The following SDCCAG8 variants were observed in gnomAD, a reference collection of about 807,000 sequenced individuals.
The protein encoded by SDCCAG8 is serologically defined colon cancer antigen 8.
In SDCCAG8, 74 loss-of-function variants were observed where a neutral mutation model predicts 101.8. The ratio of observed to expected loss-of-function variants is 0.73; its 90% CI spans 0.60 to 0.88. SDCCAG8 has a LOEUF of 0.88. Ranked by LOEUF, SDCCAG8 falls within the 40% of genes least tolerant of loss-of-function variation. The probability of loss-of-function intolerance (pLI) is 0.00; values close to 1 mark genes in which losing one functional copy is unlikely to be tolerated. For missense variants in SDCCAG8, 787 were observed against 822.6 expected, an observed-to-expected ratio of 0.96 and a Z score of 0.53; for synonymous variants, 281 against 292.9, an observed-to-expected ratio of 0.96 and a Z score of 0.41.
intron 12 of SDCCAG8, among the ~76,000 whole-genome samples, chr1:243,363,030 C>T (rs964169864): frequency 1.2e-4 from 19 of 152,136 alleles, no homozygotes. Flanking sequence ...CAACATATTG[C>T]CATAATAAAT....
At chr1:243,283,409 A>G (rs1032588779) in intron 4 of SDCCAG8, among the ~76,000 whole-genome samples, 6 of 147,844 alleles carry the variant, frequency 4.1e-5, no homozygotes. Flanking sequence ...ATTTATATAT[A>G]TATATATACA....
At chr1:243,342,814 C>G (rs1224470780) in intron 11 of SDCCAG8, among the ~76,000 whole-genome samples, 1 of 152,052 alleles carries the variant, frequency 6.6e-6, no homozygotes, top group East Asian at 1.9e-4. Flanking sequence ...TTTGAACTTC[C>G]AATAGAATTT....
At chr1:243,318,451 C>A in intron 9 of SDCCAG8, 1 of 467,814 alleles carries the variant, frequency 2.1e-6, no homozygotes, top group Non-Finnish European at 2.8e-6. Context: ...AACAAAACCC[C>A]GTGACATGAG....
rs2149279606 is a variant in SDCCAG8, at chr1:243,282,612, ATTC to A, written c.421-3659_421-3657del. Among the ~76,000 whole-genome samples, 2 of 152,330 alleles carry A rather than the reference ATTC, an allele frequency of 1.3e-5. 1 individual carries two copies. Among genetic ancestry groups the A allele is most frequent in the South Asian group, 4.1e-4 (2 of 4,828 alleles). ...TGCAAGGCATATATGCTAGCAATAAATTCCATCAATTCTTGTTTGTCTAAGAAA... is the reference window on the plus strand; with the variant it reads ...TGCAAGGCATATATGCTAGCAATAAACATCAATTCTTGTTTGTCTAAGAAA... On this transcript the variant is annotated intron_variant, in intron 4 of 17. Coordinates refer to ENST00000366541, the MANE Select transcript of SDCCAG8 (RefSeq NM_006642.5).
At chr1:243,488,372 T>A (rs1665511060) in intron 16 of SDCCAG8, 1 of 156,196 alleles carries the variant, frequency 6.4e-6, no homozygotes, top group African/African-American at 2.4e-5. Context: ...AGAACACTTC[T>A]GGGTAGTCGT....
chr1:243,260,581 A>G (rs1044961696), intron 1 of SDCCAG8, among the ~76,000 whole-genome samples: 1 of 152,208 alleles, frequency 6.6e-6, no homozygotes, highest in African/African-American at 2.4e-5. Context: ...AAAAATTGCT[A>G]GAAATGCAGT....
chr1:243,417,389 C>A (rs1193431845), intron 14 of SDCCAG8, among the ~76,000 whole-genome samples: 1 of 152,130 alleles, frequency 6.6e-6, no homozygotes, highest in Non-Finnish European at 1.5e-5. Context: ...TTTTCAATTT[C>A]TTTGACCAGA....
intron 1 of SDCCAG8, among the ~76,000 whole-genome samples, chr1:243,268,633 ATGAGTTGCTGCAAGTAAAGAAAC>A (rs1438535143): frequency 6.6e-6 from 1 of 152,232 alleles, no homozygotes; most frequent in Non-Finnish European, 1.5e-5. Flanking sequence ...AAAGTAGAAA[ATGAGTTGCTGCAAGTAAAGAAAC>A]TGTATTAGAT....
intron 16 of SDCCAG8, among the ~76,000 whole-genome samples, chr1:243,465,784 T>A (rs551149795): frequency 6.6e-6 from 1 of 152,364 alleles, no homozygotes; most frequent in South Asian, 2.1e-4. Context: ...AACACTTTTT[T>A]CTGTCTCTAA....
intron 13 of SDCCAG8, among the ~76,000 whole-genome samples, chr1:243,390,260 G>C (rs768336497): frequency 6.6e-6 from 1 of 152,096 alleles, no homozygotes; most frequent in Non-Finnish European, 1.5e-5. Context: ...CAGAGAATGT[G>C]TCAAAAATAA....
intron 16 of SDCCAG8, among the ~76,000 whole-genome samples, chr1:243,452,780 A>G (rs1043760228): frequency 1.3e-5 from 2 of 152,124 alleles, no homozygotes; most frequent in African/African-American, 4.8e-5. Flanking sequence ...CCTTCATAAA[A>G]TTTATATAAA....
intron 4 of SDCCAG8, among the ~76,000 whole-genome samples, chr1:243,278,251 C>T (rs1367866880): frequency 6.6e-5 from 10 of 152,116 alleles, no homozygotes; most frequent in African/African-American, 2.2e-4. Context: ...GGTGGAGTCT[C>T]GCTCTGTCAC....
chr1:243,417,762 G>C (rs890342339), intron 14 of SDCCAG8, among the ~76,000 whole-genome samples: 4 of 152,108 alleles, frequency 2.6e-5, no homozygotes, highest in African/African-American at 9.7e-5. Flanking sequence ...AATGTTTCTG[G>C]TGTATAATTA....
At chr1:243,298,973 A>G (rs769986911) in intron 6 of SDCCAG8, among the ~76,000 whole-genome samples, 4 of 152,210 alleles carry the variant, frequency 2.6e-5, no homozygotes, top group Non-Finnish European at 4.4e-5. Flanking sequence ...TTTGATTGAG[A>G]TGGCTTTAAA....
rs186651366 is a variant in SDCCAG8 at position 243,260,377 on chromosome 1, C to T, written c.67+4137C>T. Among the ~76,000 whole-genome samples, 89 of 152,164 alleles carry T rather than the reference C, an allele frequency of 5.8e-4. 1 individual carries two copies. The highest frequency in any genetic ancestry group is 1.2e-3 in the South Asian group (6 of 4,812). On this transcript the variant is annotated intron_variant, in intron 1 of 17. Coordinates refer to ENST00000366541, the MANE Select transcript of SDCCAG8 (RefSeq NM_006642.5). Reference sequence around the variant, plus strand: ...TATAATTCAACAACCACAGAATGGCCGAGAACTACATTTGTAAGTGGGCAA... The same window carrying T: ...TATAATTCAACAACCACAGAATGGCTGAGAACTACATTTGTAAGTGGGCAA...
intron 6 of SDCCAG8, among the ~76,000 whole-genome samples, chr1:243,296,197 T>C (rs1241413710): frequency 6.6e-6 from 1 of 152,114 alleles, no homozygotes; most frequent in Non-Finnish European, 1.5e-5. Flanking sequence ...GGTTTCGCCA[T>C]GCTGCTCAAG....
chr1:243,275,857 T>G (rs1352714642), intron 4 of SDCCAG8, among the ~76,000 whole-genome samples: 1 of 40,652 alleles, frequency 2.5e-5, no homozygotes, highest in Non-Finnish European at 4.6e-5. Flanking sequence ...TGAACCAATG[T>G]TTTTTTTTTT....
chr1:243,305,669 T>C (rs1225182289), intron 7 of SDCCAG8: 2 of 152,344 alleles, frequency 1.3e-5, no homozygotes. Context: ...ATAGTAGTAA[T>C]GAAGTAATTT....
chr1:243,421,484 C>A (rs1271179603), intron 15 of SDCCAG8, among the ~76,000 whole-genome samples: 2 of 152,142 alleles, frequency 1.3e-5, no homozygotes, highest in African/African-American at 2.4e-5. Context: ...CCCAAGGAGA[C>A]CGTAAGTCGC....
Sources: allele counts gnomAD v4.1 joint callset (sites outside exome capture counted in the v4.1 genomes callset), GRCh38; gene constraint gnomAD v4.1.1; transcripts MANE v1.5; gene names NCBI Gene and HGNC (gene_info 2026-07-23, HGNC 2026-07-21).